Variants in RALGPS2 observed in about 807,000 individuals in gnomAD.
RALGPS2 encodes the protein Ral GEF with PH domain and SH3 binding motif 2.
A neutral mutation model predicts 86.8 loss-of-function variants in RALGPS2; 43 were observed. The observed-to-expected ratio is 0.50, with a 90% CI of 0.39 to 0.64. The LOEUF is 0.64. RALGPS2 is among the 30% of genes least tolerant of loss of function. RALGPS2 has a pLI of 0.00. For missense variants in RALGPS2, 536 were observed against 694.6 expected, an observed-to-expected ratio of 0.77 and a Z score of 2.57; for synonymous variants, 243 against 231.3, an observed-to-expected ratio of 1.05 and a Z score of -0.46.
intron 8 of RALGPS2, chr1:178,864,828 CAA>C (rs757099105): frequency 2.0e-5 from 11 of 559,194 alleles, no homozygotes; most frequent in Non-Finnish European, 2.7e-5. Flanking sequence ...TAATAAAAAA[CAA>C]TAGAAATTTT....
intron 12 of RALGPS2, 97 bp downstream of exon 12, chr1:178,885,308 A>G: frequency 8.1e-7 from 1 of 1,239,782 alleles, no homozygotes; most frequent in Non-Finnish European, 1.1e-6. Context: ...ATCCTTGAAT[A>G]GTTTTCTTTT....
chr1:178,851,024 C>A (rs1544124), intron 8 of RALGPS2: 623,263 of 1,078,706 alleles, frequency 0.58, 182,477 homozygotes, highest in African/African-American at 0.77. Context: ...TAAAAACTTT[C>A]TGTGTAGAAA....
At chr1:178,773,335 C>G (rs911791484) in intron 1 of RALGPS2, among the ~76,000 whole-genome samples, 2 of 151,892 alleles carry the variant, frequency 1.3e-5, no homozygotes, top group African/African-American at 4.8e-5. Flanking sequence ...CAGAGCAAGA[C>G]CCTGTCTCTT....
intron 8 of RALGPS2, among the ~76,000 whole-genome samples, chr1:178,840,124 T>C (rs1191462020): frequency 3.9e-5 from 6 of 152,178 alleles, no homozygotes; most frequent in Non-Finnish European, 4.4e-5. Flanking sequence ...TATCCAGGAA[T>C]TGAACTCAGC....
chr1:178,792,818 A>G (rs1007524026), intron 4 of RALGPS2, among the ~76,000 whole-genome samples: 4 of 152,214 alleles, frequency 2.6e-5, no homozygotes, highest in African/African-American at 9.7e-5. Flanking sequence ...ACATGGTTGT[A>G]ACTGTAAACT....
intron 1 of RALGPS2, among the ~76,000 whole-genome samples, chr1:178,740,939 T>A (rs186764389): frequency 2.5e-4 from 38 of 152,336 alleles, no homozygotes; most frequent in Non-Finnish European, 4.7e-4. Context: ...TACTTCTCAC[T>A]GGGTTGATGT....
intron 8 of RALGPS2, 124 bp from the exon 9 acceptor site, chr1:178,877,374 G>C: frequency 6.5e-6 from 9 of 1,382,758 alleles, no homozygotes; most frequent in Middle Eastern, 2.6e-4. Context: ...TGTATTAATA[G>C]CAATATATTT....
intron 1 of RALGPS2, among the ~76,000 whole-genome samples, chr1:178,750,852 A>G (rs1436673409): frequency 1.3e-5 from 2 of 152,196 alleles, no homozygotes; most frequent in Non-Finnish European, 1.5e-5. Context: ...GTCACCCAGA[A>G]CAGTGGTTCT....
chr1:178,823,969 C>T (rs1184249520), intron 7 of RALGPS2, among the ~76,000 whole-genome samples: 1 of 152,124 alleles, frequency 6.6e-6, no homozygotes, highest in Non-Finnish European at 1.5e-5. Flanking sequence ...CCCTGGGAAC[C>T]TCCAGGATTC....
At chr1:178,731,680 A>G (rs1650372562) in intron 1 of RALGPS2, among the ~76,000 whole-genome samples, 1 of 152,098 alleles carries the variant, frequency 6.6e-6, no homozygotes, top group Non-Finnish European at 1.5e-5. Context: ...TGTCTTCAGT[A>G]TATCTGCTAT....
At chr1:178,871,305 G>A (rs1388157814) in intron 8 of RALGPS2, among the ~76,000 whole-genome samples, 1 of 152,006 alleles carries the variant, frequency 6.6e-6, no homozygotes, top group South Asian at 2.1e-4. Flanking sequence ...ATAGTTCAGC[G>A]GGCAATTATA....
At chr1:178,909,343 G>A (rs139348351) in intron 19 of RALGPS2, among the ~76,000 whole-genome samples, 2,229 of 152,250 alleles carry the variant, frequency 0.015, 64 homozygotes, top group African/African-American at 0.049. Context: ...TTTGAAGTCA[G>A]GTAGTGTGAT....
At chr1:178,833,778 T>G (rs1457850719) in intron 8 of RALGPS2, among the ~76,000 whole-genome samples, 1 of 152,196 alleles carries the variant, frequency 6.6e-6, no homozygotes, top group Non-Finnish European at 1.5e-5. Context: ...GACTATTATG[T>G]TTTCTTAGAG....
chr1:178,755,041 G>C (rs1038148274), intron 1 of RALGPS2, among the ~76,000 whole-genome samples: 12 of 152,170 alleles, frequency 7.9e-5, no homozygotes, highest in Non-Finnish European at 1.5e-4. Context: ...CTCAGGTGAT[G>C]TGCCTGTCTT....
At chr1:178,757,338 G>T (rs1030967769) in intron 1 of RALGPS2, among the ~76,000 whole-genome samples, 60 of 152,086 alleles carry the variant, frequency 3.9e-4, no homozygotes, top group African/African-American at 1.3e-3. Flanking sequence ...CCAGTACTAT[G>T]TTAAGTGAGA....
chr1:178,752,827 C>T (rs1651755506), intron 1 of RALGPS2, among the ~76,000 whole-genome samples: 1 of 152,144 alleles, frequency 6.6e-6, no homozygotes, highest in African/African-American at 2.4e-5. Flanking sequence ...TAGGGGAAGT[C>T]ATTGCTTAGG....
At chr1:178,866,321 A>G (rs1658406328) in intron 8 of RALGPS2, among the ~76,000 whole-genome samples, 1 of 152,190 alleles carries the variant, frequency 6.6e-6, no homozygotes, top group Admixed American at 6.6e-5. Context: ...TCTGTAATAA[A>G]TTATGTCATC....
At chr1:178,880,905 C>G (rs1659218087) in intron 10 of RALGPS2, among the ~76,000 whole-genome samples, 1 of 152,144 alleles carries the variant, frequency 6.6e-6, no homozygotes, top group Non-Finnish European at 1.5e-5. Context: ...TTCTGACATT[C>G]TGTAAATTGA....
chr1:178,871,870 C>G (rs568230552), intron 8 of RALGPS2, among the ~76,000 whole-genome samples: 1 of 152,220 alleles, frequency 6.6e-6, no homozygotes, highest in African/African-American at 2.4e-5. Context: ...CTTTACCTGC[C>G]TCTGGCAAGG....
Sources: gnomAD v4.1 joint callset for allele counts (sites outside exome capture counted in the v4.1 genomes callset) on GRCh38, gnomAD v4.1.1 for gene constraint, MANE v1.5 for transcripts, NCBI Gene and HGNC (gene_info 2026-07-23, HGNC 2026-07-21) for gene names.